SCMH1: variants seen among roughly 807,000 people sequenced by gnomAD.
The protein encoded by SCMH1 is polycomb protein SCMH1.
Under a neutral mutation model 70.8 loss-of-function variants are expected in SCMH1, and 37 were observed. The observed-to-expected ratio is 0.52, with a 90% confidence interval of 0.40 to 0.69. The LOEUF (loss-of-function observed/expected upper bound fraction) is 0.69, where lower values mean the gene tolerates loss of function less well. Ranked by LOEUF, SCMH1 falls within the 30% of genes least tolerant of loss-of-function variation. The pLI is 0.00. For missense variants in SCMH1, 607 were observed against 827.3 expected, an observed-to-expected ratio of 0.73 and a Z score of 3.27; for synonymous variants, 292 against 307.4, an observed-to-expected ratio of 0.95 and a Z score of 0.52.
intron 8 of SCMH1, among the ~76,000 whole-genome samples, chr1:41,083,706 C>T (rs11582842): frequency 0.078 from 11,867 of 152,120 alleles, 593 homozygotes; most frequent in South Asian, 0.12. Context: ...GGAGGCATCA[C>T]GCTACCTGAC....
intron 2 of SCMH1, among the ~76,000 whole-genome samples, chr1:41,179,586 C>G (rs1363816971): frequency 6.6e-6 from 1 of 152,174 alleles, no homozygotes; most frequent in Non-Finnish European, 1.5e-5. Flanking sequence ...CTATAAACAC[C>G]TCTACGCAAA....
At chr1:41,128,594 C>T (rs953764962) in intron 6 of SCMH1, among the ~76,000 whole-genome samples, 1 of 151,978 alleles carries the variant, frequency 6.6e-6, no homozygotes, top group Non-Finnish European at 1.5e-5. Context: ...TTCTCTTTAT[C>T]GTGGGTTTTC....
intron 2 of SCMH1, among the ~76,000 whole-genome samples, chr1:41,172,196 A>AC (rs1272592868): frequency 2.0e-5 from 3 of 151,892 alleles, no homozygotes; most frequent in Non-Finnish European, 4.4e-5. Flanking sequence ...AAAAAAAAAA[A>AC]AAAAACGCTG....
At chr1:41,204,344 T>C (rs548866254) in intron 1 of SCMH1, among the ~76,000 whole-genome samples, 7 of 152,328 alleles carry the variant, frequency 4.6e-5, no homozygotes, top group South Asian at 4.1e-4. Context: ...CCTGACTATA[T>C]GTTAAGGTAA....
At chr1:41,200,344 G>C (rs1411128698) in intron 1 of SCMH1, among the ~76,000 whole-genome samples, 1 of 152,036 alleles carries the variant, frequency 6.6e-6, no homozygotes, top group East Asian at 1.9e-4. Flanking sequence ...GCTGGGTGTG[G>C]TGGTAGGCAC....
intron 10 of SCMH1, among the ~76,000 whole-genome samples, chr1:41,064,573 A>T (rs1653914673): frequency 6.6e-6 from 1 of 152,174 alleles, no homozygotes; most frequent in African/African-American, 2.4e-5. Context: ...ACAAAAAGTC[A>T]ATCACTTTCC....
chr1:41,117,339 C>T (rs919169982), intron 6 of SCMH1, among the ~76,000 whole-genome samples: 5 of 151,530 alleles, frequency 3.3e-5, no homozygotes, highest in Non-Finnish European at 5.9e-5. Flanking sequence ...GACAAGAGTG[C>T]GAGCCTTCTG....
chr1:41,128,646 T>C (rs972618472), intron 6 of SCMH1, among the ~76,000 whole-genome samples: 2 of 152,140 alleles, frequency 1.3e-5, no homozygotes, highest in African/African-American at 4.8e-5. Context: ...TTATTTCATA[T>C]TTCTCCTGCT....
chr1:41,186,397 TGCAAAGTACCTTACA>T (rs1650206835), intron 1 of SCMH1, 147 bp from the exon 2 acceptor site: 1 of 333,022 alleles, frequency 3.0e-6, no homozygotes, highest in Non-Finnish European at 5.7e-6. Flanking sequence ...ATCTTGGAGT[TGCAAAGTACCTTACA>T]GCAAGTACCA....
chr1:41,148,403 C>T (rs1311458440), intron 5 of SCMH1, among the ~76,000 whole-genome samples: 2 of 152,214 alleles, frequency 1.3e-5, no homozygotes, highest in Middle Eastern at 3.4e-3. Flanking sequence ...GCTTGATGAA[C>T]CTCCTTTAAC....
chr1:41,059,197 T>A (rs997235469), intron 10 of SCMH1, among the ~76,000 whole-genome samples: 1 of 152,160 alleles, frequency 6.6e-6, no homozygotes, highest in Admixed American at 6.5e-5. Context: ...AAATACTGGG[T>A]AGAAGAGGGC....
At chr1:41,040,312 T>G (rs1645956369) in intron 12 of SCMH1, among the ~76,000 whole-genome samples, 1 of 152,138 alleles carries the variant, frequency 6.6e-6, no homozygotes, top group African/African-American at 2.4e-5. Context: ...GCAGCTCTTC[T>G]CAGAGTATCA....
chr1:41,062,918 C>CA (rs61144004), intron 10 of SCMH1, among the ~76,000 whole-genome samples: 78,111 of 109,766 alleles, frequency 0.71, 26,544 homozygotes, highest in East Asian at 0.84. Flanking sequence ...GACTCCATCT[C>CA]AAAAAAAAAA....
intron 13 of SCMH1, among the ~76,000 whole-genome samples, chr1:41,034,314 CT>C (rs1411804547): frequency 6.6e-6 from 1 of 151,702 alleles, no homozygotes; most frequent in Non-Finnish European, 1.5e-5. Flanking sequence ...GCTGAGGTGA[CT>C]TTTTTTCTTT....
chr1:41,230,486 C>G (rs887928702), intron 1 of SCMH1, among the ~76,000 whole-genome samples: 14 of 151,776 alleles, frequency 9.2e-5, no homozygotes, highest in African/African-American at 3.4e-4. Flanking sequence ...AGACTTTATC[C>G]CTATAAAATA....
intron 1 of SCMH1, among the ~76,000 whole-genome samples, chr1:41,201,325 A>T (rs1654308834): frequency 6.6e-6 from 1 of 152,202 alleles, no homozygotes; most frequent in Non-Finnish European, 1.5e-5. Flanking sequence ...GAGATGAAAG[A>T]TCTAGATTTA....
chr1:41,213,481 T>G (rs1367090521), intron 1 of SCMH1, among the ~76,000 whole-genome samples: 1 of 152,112 alleles, frequency 6.6e-6, no homozygotes, highest in African/African-American at 2.4e-5. Context: ...ACATAAAACC[T>G]TCCCAGGTTT....
At chr1:41,143,146 T>G in intron 5 of SCMH1, 34 bp from the exon 6 acceptor site, 2 of 1,559,516 alleles carry the variant, frequency 1.3e-6, no homozygotes, top group Non-Finnish European at 1.8e-6. Flanking sequence ...ATAGACAGAT[T>G]AAGAGTAAAA....
intron 12 of SCMH1, chr1:41,043,913 AT>A (rs1646563761): frequency 6.6e-6 from 1 of 152,214 alleles, no homozygotes; most frequent in South Asian, 2.1e-4. Flanking sequence ...AAGTATGTAT[AT>A]TTATATGTGT....
Sources: gnomAD v4.1 joint callset for allele counts (sites outside exome capture counted in the v4.1 genomes callset) on GRCh38, gnomAD v4.1.1 for gene constraint, MANE v1.5 for transcripts, NCBI Gene and HGNC (gene_info 2026-07-23, HGNC 2026-07-21) for gene names.